Variants in FBXL2 observed in about 807,000 individuals in gnomAD.
FBXL2 encodes the protein F-box and leucine rich repeat protein 2.
A neutral mutation model predicts 69.2 loss-of-function variants in FBXL2; 38 were observed. The observed-to-expected ratio is 0.55, with a 90% CI of 0.42 to 0.72. The LOEUF (loss-of-function observed/expected upper bound fraction) is 0.72. Among genes scored for constraint, FBXL2 ranks in the 30% least tolerant of loss-of-function variants. The pLI is 0.00. For missense variants in FBXL2, 354 were observed against 520.3 expected, an observed-to-expected ratio of 0.68 and a Z score of 3.11; for synonymous variants, 192 against 201.3, an observed-to-expected ratio of 0.95 and a Z score of 0.39.
chr3:33,288,082 C>G (rs1473002906), intron 1 of FBXL2, among the ~76,000 whole-genome samples: 1 of 152,314 alleles, frequency 6.6e-6, no homozygotes, highest in South Asian at 2.1e-4. Context: ...CAGCCACTTC[C>G]TCTTCCAGCA....
intron 5 of FBXL2, among the ~76,000 whole-genome samples, chr3:33,365,052 T>A (rs1173618556): frequency 6.6e-6 from 1 of 152,184 alleles, no homozygotes; most frequent in Non-Finnish European, 1.5e-5. Flanking sequence ...TTCTATTCCC[T>A]TCTTCACTTC....
chr3:33,286,914 C>T (rs1291734654), intron 1 of FBXL2, among the ~76,000 whole-genome samples: 5 of 152,152 alleles, frequency 3.3e-5, no homozygotes, highest in South Asian at 4.1e-4. Context: ...GGGAGTGTCC[C>T]GATTTTCCAG....
At chr3:33,422,420 G>A in the FBXL2 span, among the ~76,000 whole-genome samples, 4 of 151,578 alleles carry the variant, frequency 2.6e-5, no homozygotes, top group African/African-American at 7.3e-5. Context: ...GAGGAGGGAG[G>A]AAAGAAGAAA....
At chr3:33,338,512 A>G (rs375083646) in intron 2 of FBXL2, among the ~76,000 whole-genome samples, 1 of 152,178 alleles carries the variant, frequency 6.6e-6, no homozygotes, top group Non-Finnish European at 1.5e-5. Context: ...TATCACCCAC[A>G]TGGACTTCAA....
At chr3:33,413,777 T>C in the FBXL2 span, among the ~76,000 whole-genome samples, 1 of 152,096 alleles carries the variant, frequency 6.6e-6, no homozygotes. Flanking sequence ...CTTCCTTACC[T>C]GCACCCACAC....
intron 3 of FBXL2, 66 bp from the exon 4 acceptor site, chr3:33,359,217 T>TC: frequency 7.2e-7 from 1 of 1,384,064 alleles, no homozygotes. Flanking sequence ...CAAGACTTTC[T>TC]TTAATAGTCT....
intron 2 of FBXL2, among the ~76,000 whole-genome samples, chr3:33,326,134 A>C (rs2038668899): frequency 1.3e-5 from 2 of 152,332 alleles, no homozygotes; most frequent in Middle Eastern, 3.4e-3. Context: ...CTTAGCTCTC[A>C]CACTCTGAGA....
At chr3:33,347,500 C>T (rs779362371) in intron 2 of FBXL2, among the ~76,000 whole-genome samples, 10 of 152,122 alleles carry the variant, frequency 6.6e-5, no homozygotes, top group African/African-American at 1.9e-4. Flanking sequence ...GATATCTCTT[C>T]GATATACTGA....
intron 1 of FBXL2, among the ~76,000 whole-genome samples, chr3:33,278,955 C>T (rs1046216224): frequency 1.6e-4 from 24 of 152,290 alleles, no homozygotes; most frequent in Admixed American, 9.8e-4. Flanking sequence ...GTCTCATATT[C>T]CTCCTGTCAT....
intron 13 of FBXL2, among the ~76,000 whole-genome samples, chr3:33,381,207 CAT>C (rs953363955): frequency 8.5e-5 from 13 of 152,322 alleles, no homozygotes; most frequent in African/African-American, 2.9e-4. Flanking sequence ...TCCTCAGTCT[CAT>C]ATGTTACTGT....
At chr3:33,326,642 G>A (rs1463571001) in intron 2 of FBXL2, among the ~76,000 whole-genome samples, 1 of 151,900 alleles carries the variant, frequency 6.6e-6, no homozygotes, top group Non-Finnish European at 1.5e-5. Context: ...TATCTTTGAT[G>A]TTCTGGTAAA....
chr3:33,285,340 C>A (rs1218917765), intron 1 of FBXL2, among the ~76,000 whole-genome samples: 1 of 152,170 alleles, frequency 6.6e-6, no homozygotes, highest in Non-Finnish European at 1.5e-5. Flanking sequence ...GTTGAAAATT[C>A]TTTTCTTTAA....
At chr3:33,403,033 C>T in intron 12 of FBXL2, 1 of 795,588 alleles carries the variant, frequency 1.3e-6, no homozygotes, top group Non-Finnish European at 2.0e-6. Flanking sequence ...ATCAAGCAAC[C>T]TCACAGACAC....
chr3:33,307,726 C>T lies in FBXL2; in HGVS notation c.65+10001C>T, dbSNP rs766351951. Reference sequence around the variant, plus strand: ...TAATATATTAAATATGTAGAGAAAACGATAATGCAAATGCAGTATAATTTA... The same window carrying T: ...TAATATATTAAATATGTAGAGAAAATGATAATGCAAATGCAGTATAATTTA... On this transcript the variant is annotated intron_variant, in intron 2 of 14. Coordinates refer to ENST00000484457, the MANE Select transcript of FBXL2 (RefSeq NM_012157.5). Among the ~76,000 whole-genome samples, 64 of 151,670 alleles carry T rather than the reference C, an allele frequency of 4.2e-4. 1 individual carries two copies. The highest frequency in any genetic ancestry group is 1.4e-3 in the African/African-American group (60 of 41,382).
At chr3:33,377,452 A>G in intron 11 of FBXL2, 119 bp downstream of exon 11, 1 of 936,638 alleles carries the variant, frequency 1.1e-6, no homozygotes, top group Non-Finnish European at 1.7e-6. Flanking sequence ...CACAAAGTAG[A>G]GTAGAACCCT....
intron 4 of FBXL2, among the ~76,000 whole-genome samples, chr3:33,359,672 A>G (rs550432139): frequency 6.6e-6 from 1 of 152,050 alleles, no homozygotes; most frequent in East Asian, 1.9e-4. Flanking sequence ...ACAAATACTT[A>G]TTGATCTAGA....
At chr3:33,390,319 C>G (rs2043706535), downstream of FBXL2, 1 of 1,613,364 alleles carries the variant, frequency 6.2e-7, no homozygotes, top group Non-Finnish European at 8.5e-7. Flanking sequence ...ACAGTTCAGT[C>G]TATATAAGAC....
chr3:33,378,317 G>C (rs1575402725), intron 12 of FBXL2, among the ~76,000 whole-genome samples, 170 bp downstream of exon 12: 1 of 152,294 alleles, frequency 6.6e-6, no homozygotes, highest in East Asian at 1.9e-4. Context: ...GTGAACTTTT[G>C]GCCATTCTCA....
chr3:33,316,375 TGC>T (rs1198749768), intron 2 of FBXL2, among the ~76,000 whole-genome samples: 1 of 152,112 alleles, frequency 6.6e-6, no homozygotes, highest in Non-Finnish European at 1.5e-5. Flanking sequence ...CCTAGCCTCC[TGC>T]GTAATGTTTT....
Sources: allele counts gnomAD v4.1 joint callset (sites outside exome capture counted in the v4.1 genomes callset), GRCh38; gene constraint gnomAD v4.1.1; transcripts MANE v1.5; gene names NCBI Gene and HGNC (gene_info 2026-07-23, HGNC 2026-07-21).